ZDHHC4: variants seen among roughly 807,000 people sequenced by gnomAD.
ZDHHC4 encodes the protein palmitoyltransferase ZDHHC4.
Under a neutral mutation model 36.7 loss-of-function variants are expected in ZDHHC4, and 42 were observed. That is an observed-to-expected ratio of 1.14 (90% confidence interval 0.89 to 1.48). The LOEUF (loss-of-function observed/expected upper bound fraction) is 1.48, where lower values mean the gene tolerates loss of function less well. Among genes scored for constraint, ZDHHC4 ranks in the 40% most tolerant of loss-of-function variants. The pLI is 0.00. For missense variants in ZDHHC4, 457 were observed against 421.5 expected (o/e 1.08, Z -0.74); for synonymous variants, 189 against 166.6 (o/e 1.13, Z -1.03).
At chr7:6,580,898 AGAGT>A (rs577599919) in intron 3 of ZDHHC4, 90 of 551,454 alleles carry the variant, frequency 1.6e-4, no homozygotes, top group African/African-American at 1.6e-3. Context: ...CCTGGACTAC[AGAGT>A]GAGACCCTGT....
rs917879086 is a variant in ZDHHC4, at chr7:6,582,251, G to C, written c.370G>C (p.Gly124Arg). 6.2e-7 allele frequency: 1 copy of C among 1,613,610 alleles called. No individual in the cohort carries two copies. The highest frequency in any genetic ancestry group is 8.5e-7 in the Non-Finnish European group (1 of 1,179,808). ...CACCCTGACTTGTGGAACCAATCCT[G>C]GTAAGTTGAGGCTCTTAGCATACAG... ...FFTLTCGTNP[G>R]IITKANELLF... The change falls in exon 5 of 8, where the codon GGC becomes CGC. Residue 124 changes from glycine to arginine, a missense_variant and splice_region_variant. Transcript: ENST00000335965.
intron 5 of ZDHHC4, 24 bp downstream of exon 5, chr7:6,582,275 A>G: frequency 2.5e-6 from 4 of 1,608,372 alleles, no homozygotes; most frequent in Non-Finnish European, 3.4e-6. Context: ...CTTAGCATAC[A>G]GCATGGTGAC....
intron 7 of ZDHHC4, among the ~76,000 whole-genome samples, chr7:6,586,950 T>G (rs1002303541): frequency 5.9e-5 from 9 of 152,226 alleles, no homozygotes; most frequent in African/African-American, 2.2e-4. Context: ...GTTTTTATGT[T>G]TATAAAACAT....
In ZDHHC4 at chr7:6,580,802, C is replaced by T. The variant is rs576323355; in HGVS notation, c.117+124C>T. The T allele has an allele frequency of 6.2e-5, 54 of 872,128 alleles. 1 individual carries two copies. Among genetic ancestry groups the T allele is most frequent in the South Asian group, 3.5e-4 (23 of 64,862 alleles). 54.0% of individuals were successfully genotyped at this position (872,128 alleles called of 1,614,324 possible). On this transcript the variant is annotated intron_variant, in intron 3 of 7. Coordinates refer to ENST00000335965, the MANE Select transcript of ZDHHC4 (RefSeq NM_001134389.2). ...GTGCAGTGCCTCACACCTGTAATCC[C>T]GCTACTCAGGAAGCTGAGGCAGGAG...
chr7:6,587,520 C>T (rs891921529), intron 7 of ZDHHC4, among the ~76,000 whole-genome samples: 2 of 152,194 alleles, frequency 1.3e-5, no homozygotes, highest in Non-Finnish European at 2.9e-5. Flanking sequence ...AGCGCAGTTC[C>T]TATGGTCATA....
intron 5 of ZDHHC4, 148 bp downstream of exon 5, chr7:6,582,399 A>G (rs1279316407): frequency 1.3e-6 from 1 of 750,192 alleles, no homozygotes; most frequent in South Asian, 2.3e-5. Context: ...GTGTTTTCTA[A>G]TTTTTTTTTT....
At chr7:6,582,992 G>T (rs115993093) in intron 5 of ZDHHC4, among the ~76,000 whole-genome samples, 1 of 152,052 alleles carries the variant, frequency 6.6e-6, no homozygotes, top group East Asian at 1.9e-4. Context: ...CCAAAATGGT[G>T]AAACCCCATC....
At chr7:6,579,174 T>G (rs557300294) in intron 2 of ZDHHC4, among the ~76,000 whole-genome samples, 2 of 151,210 alleles carry the variant, frequency 1.3e-5, no homozygotes, top group East Asian at 3.9e-4. Context: ...CGCTACACTA[T>G]GGAAAAGAGT....
At chr7:6,584,694 C>T (rs771209928) in intron 6 of ZDHHC4, among the ~76,000 whole-genome samples, 9 of 152,132 alleles carry the variant, frequency 5.9e-5, no homozygotes, top group South Asian at 2.1e-4. Flanking sequence ...AGTGCTGTGA[C>T]GTGATCATAG....
chr7:6,583,301 C>T lies in ZDHHC4; in HGVS notation c.371-5C>T. The T allele has an allele frequency of 6.2e-7, 1 of 1,613,504 alleles. No homozygotes were observed. The highest frequency in any genetic ancestry group is 8.5e-7 in the Non-Finnish European group (1 of 1,179,798). On this transcript the variant is annotated splice_region_variant and splice_polypyrimidine_tract_variant and intron_variant, in intron 5 of 7. Coordinates refer to ENST00000335965, the MANE Select transcript of ZDHHC4 (RefSeq NM_001134389.2). ...GAAACTGACATATGTCCTTACTTTT[C>T]CCAGGCATTATAACAAAAGCAAATG... is the stretch of plus-strand genomic sequence containing the variant.
rs746370443 is a variant in ZDHHC4, at chr7:6,580,557, G to A, written c.-5G>A. 1.6e-5 allele frequency: 26 copies of A among 1,613,018 alleles called. No individual in the cohort carries two copies. Among genetic ancestry groups the A allele is most frequent in the Non-Finnish European group, 2.2e-5 (26 of 1,179,108 alleles). The stretch of plus-strand genomic sequence containing the variant: ...ACACTCTTTCTGTTCCTTTGTAGCT[G>A]CAGGATGGACTTTCTGGTCCTCTTC... On this transcript the variant is annotated splice_region_variant and 5_prime_UTR_variant, in exon 3 of 8. Coordinates refer to ENST00000335965, the MANE Select transcript of ZDHHC4 (RefSeq NM_001134389.2).
intron 5 of ZDHHC4, 33 bp downstream of exon 5, chr7:6,582,284 A>G (rs1780908931): frequency 6.3e-7 from 1 of 1,599,240 alleles, no homozygotes; most frequent in African/African-American, 1.3e-5. Flanking sequence ...CAGCATGGTG[A>G]CAGCTCCACT....
In ZDHHC4 at chr7:6,585,215, T is replaced by C; in HGVS notation, c.696T>C (p.Asp232=). ...ATTTATACCAGGAGACTTACATCGA[T>C]GACCTTGGACACCTCCATGTTATGG... ...MSDLYQETYI[D]DLGHLHVMDT... is the part of the protein sequence containing the mutation. Residue 232 remains aspartate (D), a synonymous_variant, in exon 7 of 8, where the codon GAT becomes GAC. Coordinates refer to ENST00000335965, the MANE Select transcript of ZDHHC4 (RefSeq NM_001134389.2). The C allele has an allele frequency of 6.2e-7, 1 of 1,614,216 alleles. No individual in the cohort carries two copies. Among genetic ancestry groups the C allele is most frequent in the Non-Finnish European group, 8.5e-7 (1 of 1,180,028 alleles).
At chr7:6,582,636 G>C (rs1458415530) in intron 5 of ZDHHC4, among the ~76,000 whole-genome samples, 1 of 152,084 alleles carries the variant, frequency 6.6e-6, no homozygotes, top group Non-Finnish European at 1.5e-5. Context: ...TCTTGCCTCA[G>C]ACTCCCGAGT....
chr7:6,586,638 G>T (rs1781265110), intron 7 of ZDHHC4, among the ~76,000 whole-genome samples: 1 of 152,134 alleles, frequency 6.6e-6, no homozygotes. Flanking sequence ...ACCACGCCTG[G>T]CTAATTTTTG....
Position 6,588,939 on chromosome 7 carries a change from T to C in ZDHHC4, c.*29T>C. On this transcript the variant is annotated 3_prime_UTR_variant, in exon 8 of 8. Transcript: ENST00000335965. ...GTGTATGACTGCCTTTGAGCTGTAGTTCCCGTTTATTTACACATGTGGATC... is the reference window on the plus strand; with the variant it reads ...GTGTATGACTGCCTTTGAGCTGTAGCTCCCGTTTATTTACACATGTGGATC... 1 of 1,584,448 alleles carries C rather than the reference T, an allele frequency of 6.3e-7. No homozygotes were observed. The highest frequency in any genetic ancestry group is 1.3e-5 in the African/African-American group (1 of 74,366).
In ZDHHC4 at chr7:6,582,058, C is replaced by T; in HGVS notation, c.192-15C>T. ...AAGAAACCCCCATGAACAAGCCATG[C>T]CTGTTTTCTTTCAGAAACCACACCT... On this transcript the variant is annotated splice_polypyrimidine_tract_variant and intron_variant, in intron 4 of 7. Transcript: ENST00000335965. The T allele has an allele frequency of 2.5e-6, 4 of 1,607,752 alleles. No individual in the cohort carries two copies. The highest frequency in any genetic ancestry group is 1.7e-4 in the Middle Eastern group (1 of 5,758).
Position 6,585,068 on chromosome 7 carries a change from C to A in ZDHHC4, c.549C>A (p.Asn183Lys). ...HRFDHHCVWV[N>K]NCIGAWNIRY... ...TCGACCATCACTGTGTTTGGGTGAA[C>A]AACTGCATCGGGGCCTGGAACATCA... Residue 183 changes from asparagine to lysine, a missense_variant, in exon 7 of 8, where the codon AAC becomes AAA. Physicochemically the swap from Asn to Lys is moderately conservative, Grantham distance 94. Coordinates refer to ENST00000335965, the MANE Select transcript of ZDHHC4 (RefSeq NM_001134389.2). The A allele has an allele frequency of 6.2e-7, 1 of 1,614,140 alleles. No individual in the cohort carries two copies.
chr7:6,585,073 G>A lies in ZDHHC4; in HGVS notation c.554G>A (p.Cys185Tyr), dbSNP rs754298882. 6.2e-7 allele frequency: 1 copy of A among 1,614,118 alleles called. No homozygotes were observed. The highest frequency in any genetic ancestry group is 1.7e-5 in the Admixed American group (1 of 59,998). The change falls in exon 7 of 8, where the codon TGC (cysteine) becomes TAC (tyrosine). Residue 185 changes from cysteine to tyrosine, a missense_variant. By Grantham distance (194) the Cys-to-Tyr change is radical (BLOSUM62 -2). Coordinates refer to ENST00000335965, the MANE Select transcript of ZDHHC4 (RefSeq NM_001134389.2). ...CATCACTGTGTTTGGGTGAACAACT[G>A]CATCGGGGCCTGGAACATCAGGTAC... ...FDHHCVWVNNCIGAWNIRYFL... is the reference protein window; with the variant it reads ...FDHHCVWVNNYIGAWNIRYFL...
Sources: allele counts gnomAD v4.1 joint callset (sites outside exome capture counted in the v4.1 genomes callset), GRCh38; gene constraint gnomAD v4.1.1; transcripts MANE v1.5; gene names NCBI Gene and HGNC (gene_info 2026-07-23, HGNC 2026-07-21).